The following SAMMSON variants were observed in gnomAD, a reference collection of about 807,000 sequenced individuals.
The protein encoded by SAMMSON is long intergenic non-protein coding RNA 1212.
chr3:70,037,245 A>T (rs565269522), intron 3 of SAMMSON, among the ~76,000 whole-genome samples: 1 of 151,994 alleles, frequency 6.6e-6, no homozygotes, highest in Non-Finnish European at 1.5e-5. Context: ...CTGGACTGCC[A>T]TTCACACTGT....
At chr3:70,139,805 TAG>T (rs1402121975) in intron 4 of SAMMSON, among the ~76,000 whole-genome samples, 2 of 152,264 alleles carry the variant, frequency 1.3e-5, no homozygotes, top group South Asian at 2.1e-4. Flanking sequence ...TATTGGACAA[TAG>T]AGTGTGCAAT....
At chr3:70,337,216 T>A (rs1278236750) in intron 7 of SAMMSON, among the ~76,000 whole-genome samples, 3 of 148,424 alleles carry the variant, frequency 2.0e-5, no homozygotes, top group African/African-American at 7.4e-5. Context: ...TCTAACTTAA[T>A]AATATCTAAC....
chr3:70,412,528 C>T (rs796466267), intron 2 of SAMMSON, among the ~76,000 whole-genome samples: 32 of 152,264 alleles, frequency 2.1e-4, no homozygotes, highest in African/African-American at 7.5e-4. Context: ...TCGAATGGTG[C>T]AGAAGTGTTT....
rs2067498893 is a variant in SAMMSON, at chr3:70,134,719, A to G, written n.507+63154A>G. Among the ~76,000 whole-genome samples the G allele has an allele frequency of 2.0e-5, 3 of 152,320 alleles. No individual in the cohort carries two copies. The South Asian group carries it at 6.2e-4, about 32-fold the overall frequency. On this transcript the variant is annotated intron_variant and non_coding_transcript_variant, in intron 4 of 9. Coordinates refer to ENST00000642114, the Ensembl canonical transcript of SAMMSON. ...TTCATTGTTATTTTATTACTTATAC[A>G]TATGATACATATTTATTTCTAAAAC...
rs892303716 is a variant in SAMMSON, at chr3:70,328,072, AGCTTGT to A, written n.740-26100_740-26095del. ...CACATGGTGGCAGACAAGAGAAGAG[AGCTTGT>A]GCAGGGAAACTCCCCTTTATAAAAC... is the stretch of plus-strand genomic sequence containing the variant. On this transcript the variant is annotated intron_variant and non_coding_transcript_variant, in intron 7 of 9. Coordinates refer to ENST00000642114, the Ensembl canonical transcript of SAMMSON. Among the ~76,000 whole-genome samples, 32 of 152,268 alleles carry A rather than the reference AGCTTGT, an allele frequency of 2.1e-4. 1 individual carries two copies. Among genetic ancestry groups the A allele is most frequent in the South Asian group, 1.7e-3 (8 of 4,824 alleles).
At chr3:70,363,079 A>G (rs1408795515) in intron 9 of SAMMSON, among the ~76,000 whole-genome samples, 1 of 152,110 alleles carries the variant, frequency 6.6e-6, no homozygotes, top group African/African-American at 2.4e-5. Context: ...ATAAAATAAT[A>G]GATTGAAAGG....
chr3:70,300,719 GTCA>G (rs1225841102), intron 7 of SAMMSON, among the ~76,000 whole-genome samples: 5 of 151,966 alleles, frequency 3.3e-5, no homozygotes, highest in Non-Finnish European at 7.4e-5. Flanking sequence ...ACATTCTTCT[GTCA>G]TAGAACAAGT....
At chr3:70,107,299 A>T (rs372864920) in intron 4 of SAMMSON, among the ~76,000 whole-genome samples, 2 of 152,298 alleles carry the variant, frequency 1.3e-5, no homozygotes, top group East Asian at 3.9e-4. Context: ...GCATGTAGAA[A>T]TGAGGCTGTA....
intron 3 of SAMMSON, among the ~76,000 whole-genome samples, chr3:70,046,988 G>T (rs1277162638): frequency 6.6e-6 from 1 of 152,086 alleles, no homozygotes; most frequent in African/African-American, 2.4e-5. Context: ...GTTAATCTAT[G>T]AGCTCAACAT....
At chr3:70,064,407 T>A (rs2067201784) in intron 3 of SAMMSON, among the ~76,000 whole-genome samples, 1 of 152,092 alleles carries the variant, frequency 6.6e-6, no homozygotes, top group African/African-American at 2.4e-5. Flanking sequence ...TCCTTCTCTC[T>A]CAAAGTCAAA....
chr3:70,344,733 C>A (rs1006000843), intron 7 of SAMMSON, among the ~76,000 whole-genome samples: 1 of 152,196 alleles, frequency 6.6e-6, no homozygotes, highest in Admixed American at 6.5e-5. Flanking sequence ...ATTGCTCCCC[C>A]TCCTGTAATG....
intron 6 of SAMMSON, among the ~76,000 whole-genome samples, chr3:70,277,095 G>A (rs1028696534): frequency 5.9e-5 from 9 of 152,018 alleles, no homozygotes; most frequent in Non-Finnish European, 1.0e-4. Flanking sequence ...TCAATGAGGC[G>A]TGAGAAACAT....
intron 4 of SAMMSON, among the ~76,000 whole-genome samples, chr3:70,124,905 A>G (rs1183241021): frequency 2.0e-5 from 3 of 151,846 alleles, no homozygotes; most frequent in Admixed American, 1.3e-4. Context: ...TACATATAAT[A>G]TAGTTCCAAT....
At chr3:70,352,473 G>T (rs868830073) in intron 7 of SAMMSON, among the ~76,000 whole-genome samples, 6 of 152,146 alleles carry the variant, frequency 3.9e-5, no homozygotes, top group Non-Finnish European at 5.9e-5. Flanking sequence ...GAAAATAAGA[G>T]AATTTGTCAC....
rs533649916 is a variant in SAMMSON, at chr3:70,344,032, G to A, written n.740-10143G>A. On this transcript the variant is annotated intron_variant and non_coding_transcript_variant, in intron 7 of 9. Transcript: ENST00000642114. ...TTGACAGACCTCCATTACTGGGGGT[G>A]TTTTGAGCACTGCTTCTAATTTGTA... Among the ~76,000 whole-genome samples the A allele has an allele frequency of 2.8e-4, 42 of 152,068 alleles. 1 individual carries two copies. Among genetic ancestry groups the A allele is most frequent in the Admixed American group, 2.5e-3 (38 of 15,246 alleles).
chr3:70,281,202 A>G (rs1702079308), intron 6 of SAMMSON, among the ~76,000 whole-genome samples: 1 of 152,080 alleles, frequency 6.6e-6, no homozygotes, highest in Non-Finnish European at 1.5e-5. Context: ...TGCCAGAAGG[A>G]TCATATTAAA....
chr3:70,179,077 A>G (rs903994461), intron 4 of SAMMSON, among the ~76,000 whole-genome samples: 7 of 152,178 alleles, frequency 4.6e-5, no homozygotes, highest in Non-Finnish European at 8.8e-5. Context: ...TGCCTCTGGC[A>G]TCACAATAAT....
chr3:70,274,927 A>C (rs1048052776), intron 6 of SAMMSON, among the ~76,000 whole-genome samples: 2 of 152,232 alleles, frequency 1.3e-5, no homozygotes, highest in African/African-American at 4.8e-5. Context: ...AGTTTGGCAA[A>C]ATGAGTTATA....
chr3:70,031,154 G>C (rs995505719), intron 3 of SAMMSON, among the ~76,000 whole-genome samples: 2 of 152,056 alleles, frequency 1.3e-5, no homozygotes, highest in Admixed American at 6.6e-5. Flanking sequence ...TCCATCAACA[G>C]AAGAATTCGT....
Sources: gnomAD v4.1 joint callset for allele counts (sites outside exome capture counted in the v4.1 genomes callset) on GRCh38, gnomAD v4.1.1 for gene constraint, MANE v1.5 for transcripts, NCBI Gene and HGNC (gene_info 2026-07-23, HGNC 2026-07-21) for gene names.